LRRFIP2: variants seen among roughly 807,000 people sequenced by gnomAD.
The protein encoded by LRRFIP2 is LRR binding FLII interacting protein 2.
LRRFIP2 carries 109 observed loss-of-function variants against 125.9 expected under a neutral mutation model. The ratio of observed to expected loss-of-function variants is 0.87; its 90% CI spans 0.74 to 1.01. The LOEUF is 1.01. Among genes scored for constraint, LRRFIP2 ranks in the 50% least tolerant of loss-of-function variants. The pLI, the probability that LRRFIP2 is intolerant of heterozygous loss-of-function variation, is 0.00. For missense variants in LRRFIP2, 850 were observed against 862.3 expected (o/e 0.99, Z 0.18); for synonymous variants, 291 against 293.1 (o/e 0.99, Z 0.07).
intron 1 of LRRFIP2, among the ~76,000 whole-genome samples, chr3:37,169,816 T>C (rs1183502413): frequency 6.6e-6 from 1 of 152,206 alleles, no homozygotes; most frequent in Non-Finnish European, 1.5e-5. Context: ...ATGAAAACAA[T>C]GGAAAAAGAT....
rs1396436059 is a variant in LRRFIP2, at chr3:37,085,613, A to T, written c.1108-1807T>A. The stretch of plus-strand genomic sequence containing the variant: ...TTTTTTTTTTTCGAGATGGAGTCTC[A>T]CATTATTGCCCGGGCTGGAGTGCAA... On this transcript the variant is annotated intron_variant, in intron 18 of 27. Transcript: ENST00000336686. Among the ~76,000 whole-genome samples, 3 of 149,914 alleles carry T rather than the reference A, an allele frequency of 2.0e-5. No individual in the cohort carries two copies. In the East Asian group the frequency reaches 5.9e-4, roughly 29 times the overall value.
chr3:37,176,321 T>A (rs530109656), upstream of LRRFIP2: 26 of 152,328 alleles, frequency 1.7e-4, no homozygotes, highest in African/African-American at 4.6e-4. Context: ...AGCGGCCGAC[T>A]GAGGAGGCGA....
chr3:37,157,591 T>C (rs756867219), intron 1 of LRRFIP2, among the ~76,000 whole-genome samples: 3 of 151,948 alleles, frequency 2.0e-5, no homozygotes, highest in Non-Finnish European at 4.4e-5. Context: ...GGGATTACAG[T>C]TAAAGACATC....
intron 8 of LRRFIP2, among the ~76,000 whole-genome samples, chr3:37,111,501 AAG>A: frequency 6.6e-6 from 1 of 152,248 alleles, no homozygotes; most frequent in East Asian, 1.9e-4. Context: ...ACCAAAATGA[AAG>A]AGAGAGTACG....
chr3:37,164,382 C>CT (rs2096421929), intron 1 of LRRFIP2, among the ~76,000 whole-genome samples: 2 of 152,044 alleles, frequency 1.3e-5, no homozygotes. Context: ...TCCCACCATC[C>CT]GAAGATACTC....
chr3:37,091,595 C>G, intron 17 of LRRFIP2, 57 bp from the exon 18 acceptor site: 1 of 1,220,806 alleles, frequency 8.2e-7, no homozygotes, highest in South Asian at 1.4e-5. Flanking sequence ...TATCTTAAAT[C>G]GCAAAGGATT....
chr3:37,134,083 G>C (rs1300125253), intron 2 of LRRFIP2, among the ~76,000 whole-genome samples: 1 of 151,792 alleles, frequency 6.6e-6, no homozygotes, highest in Non-Finnish European at 1.5e-5. Flanking sequence ...TTGGGAGGCT[G>C]AGGCAGAAGA....
At chr3:37,164,097 T>C (rs1447191379) in intron 1 of LRRFIP2, among the ~76,000 whole-genome samples, 1 of 152,200 alleles carries the variant, frequency 6.6e-6, no homozygotes, top group Admixed American at 6.5e-5. Flanking sequence ...ATGAAGACTC[T>C]TGAAAAATCT....
chr3:37,064,523 G>A (rs577486584), intron 23 of LRRFIP2: 3 of 151,134 alleles, frequency 2.0e-5, no homozygotes, highest in Admixed American at 2.0e-4. Flanking sequence ...GAGGTTGTAT[G>A]TTGCAGTGAA....
At chr3:37,079,602 G>A (rs1429381908) in intron 19 of LRRFIP2, among the ~76,000 whole-genome samples, 1 of 151,902 alleles carries the variant, frequency 6.6e-6, no homozygotes, top group African/African-American at 2.4e-5. Flanking sequence ...GAAAACTTAC[G>A]TCCAAAAAAC....
At chr3:37,140,093 G>A (rs1388683052) in intron 2 of LRRFIP2, among the ~76,000 whole-genome samples, 1 of 152,076 alleles carries the variant, frequency 6.6e-6, no homozygotes, top group Non-Finnish European at 1.5e-5. Flanking sequence ...CAATACTAGT[G>A]TCTCCTGGTT....
intron 7 of LRRFIP2, among the ~76,000 whole-genome samples, chr3:37,114,488 A>G (rs2094687289): frequency 6.6e-6 from 1 of 152,154 alleles, no homozygotes; most frequent in South Asian, 2.1e-4. Flanking sequence ...TTAAGAAAAG[A>G]TATATTACTA....
At chr3:37,135,056 A>G in intron 2 of LRRFIP2, 3 of 1,412,954 alleles carry the variant, frequency 2.1e-6, no homozygotes, top group East Asian at 4.6e-5. Flanking sequence ...AGACAGACGT[A>G]AAAGTACAAC....
intron 19 of LRRFIP2, among the ~76,000 whole-genome samples, chr3:37,083,279 A>G (rs762576664): frequency 2.6e-5 from 4 of 152,156 alleles, no homozygotes; most frequent in Non-Finnish European, 5.9e-5. Flanking sequence ...AAAATGAATC[A>G]TCCTATTGAG....
intron 18 of LRRFIP2, among the ~76,000 whole-genome samples, chr3:37,090,879 T>C (rs2093393369): frequency 6.6e-6 from 1 of 152,190 alleles, no homozygotes; most frequent in Admixed American, 6.5e-5. Context: ...ATAATAATGG[T>C]GTCTCAGTTG....
chr3:37,119,472 T>G (rs1346729229), intron 6 of LRRFIP2, among the ~76,000 whole-genome samples: 1 of 152,186 alleles, frequency 6.6e-6, no homozygotes, highest in Non-Finnish European at 1.5e-5. Flanking sequence ...TCAAATTTCC[T>G]AAGGCCACAT....
chr3:37,163,105 C>A (rs2150274695), intron 1 of LRRFIP2, among the ~76,000 whole-genome samples: 1 of 152,280 alleles, frequency 6.6e-6, no homozygotes, highest in Admixed American at 6.5e-5. Flanking sequence ...GCCTGTGTTT[C>A]TCCAGACTCA....
chr3:37,064,866 A>G (rs1373407818), intron 23 of LRRFIP2: 2 of 152,218 alleles, frequency 1.3e-5, no homozygotes, highest in African/African-American at 2.4e-5. Flanking sequence ...GACGAGGGAA[A>G]AAACAGCAGG....
intron 2 of LRRFIP2, among the ~76,000 whole-genome samples, chr3:37,145,431 G>GA (rs1202090421): frequency 3.9e-5 from 6 of 152,084 alleles, no homozygotes; most frequent in Non-Finnish European, 5.9e-5. Flanking sequence ...GTGAGAGGGG[G>GA]AAAAAAAGGT....
Sources: gnomAD v4.1 joint callset for allele counts (sites outside exome capture counted in the v4.1 genomes callset) on GRCh38, gnomAD v4.1.1 for gene constraint, MANE v1.5 for transcripts, NCBI Gene and HGNC (gene_info 2026-07-23, HGNC 2026-07-21) for gene names.